The following MYO1F variants were observed in gnomAD, a reference collection of about 807,000 sequenced individuals.
The protein encoded by MYO1F is unconventional myosin-If.
MYO1F carries 60 observed loss-of-function variants against 146.6 expected under a neutral mutation model. The observed-to-expected ratio is 0.41, with a 90% CI of 0.33 to 0.51. The LOEUF is 0.51. Among genes scored for constraint, MYO1F ranks in the 20% least tolerant of loss-of-function variants. The pLI is 0.25. For synonymous variants in MYO1F, 602 were observed against 602.1 expected (o/e 1.00, Z 0.00); for missense variants, 1,274 against 1,534.3 (o/e 0.83, Z 2.83).
Position 8,521,517 on chromosome 19 carries a change from C to G in MYO1F, c.*11G>C, listed in dbSNP as rs752941186. On this transcript the variant is annotated 3_prime_UTR_variant, in exon 28 of 28. Coordinates refer to ENST00000644032, the MANE Select transcript of MYO1F (RefSeq NM_012335.4). ...GCGGGCGAAAGAGAAGGCAGTATCC[C>G]AGGGCCCAGCTCAGATCTTCTCCAC... 8.7e-6 allele frequency: 14 copies of G among 1,613,474 alleles called. No individual in the cohort carries two copies. Among genetic ancestry groups the G allele is most frequent in the Non-Finnish European group, 1.2e-5 (14 of 1,179,758 alleles).
chr19:8,526,619 A>G lies in MYO1F; in HGVS notation c.2622-18T>C. 2 of 1,581,938 alleles carry G rather than the reference A, an allele frequency of 1.3e-6. No individual in the cohort carries two copies. Among genetic ancestry groups the G allele is most frequent in the Non-Finnish European group, 1.7e-6 (2 of 1,165,784 alleles). Reference sequence around the variant, plus strand: ...ACTGTAGTCTATGGGGAGAGAAGAAAGCTTGGGGGCGCTGGCTGAGGTCCC... The same window carrying G: ...ACTGTAGTCTATGGGGAGAGAAGAAGGCTTGGGGGCGCTGGCTGAGGTCCC... On this transcript the variant is annotated intron_variant, in intron 23 of 27. Transcript: ENST00000644032.
At chr19:8,575,422 T>A (rs1311189933) in intron 1 of MYO1F, among the ~76,000 whole-genome samples, 1 of 151,852 alleles carries the variant, frequency 6.6e-6, no homozygotes, top group Non-Finnish European at 1.5e-5. Flanking sequence ...CCCTCGTGTG[T>A]GCAGTTCACA....
Position 8,530,009 on chromosome 19 carries a change from C to G in MYO1F, c.2328+187G>C, listed in dbSNP as rs3815907. ...AGGTGAGGGTATACCTGTGATGGAA[C>G]AGATGGATCTAGGCTGGGGGATCTA... On this transcript the variant is annotated intron_variant, in intron 21 of 27. Coordinates refer to ENST00000644032, the MANE Select transcript of MYO1F (RefSeq NM_012335.4). This position sits in a 1 kb window ranked among gnomAD's most constrained non-coding sequence, Gnocchi z 5.8. The G allele has an allele frequency of 1.3e-6, 1 of 764,046 alleles. No individual in the cohort carries two copies. The highest frequency in any genetic ancestry group is 3.5e-4 in the Middle Eastern group (1 of 2,822). 47.3% of individuals were successfully genotyped at this position (764,046 alleles called of 1,614,324 possible). A position where few individuals can be genotyped will look rare whatever the true frequency, so the allele number is the denominator to read the frequency against.
At chr19:8,529,874 G>T (rs1972409325) in intron 21 of MYO1F, 3 of 515,774 alleles carry the variant, frequency 5.8e-6, no homozygotes, top group Non-Finnish European at 1.1e-5. Flanking sequence ...CTAGGCTGGG[G>T]GATAGATACC....
At chr19:8,523,217 T>C (rs1972133110) in intron 25 of MYO1F, among the ~76,000 whole-genome samples, 1 of 152,058 alleles carries the variant, frequency 6.6e-6, no homozygotes, top group South Asian at 2.1e-4. Flanking sequence ...ATATTTTTAG[T>C]AGAGACGGAG....
chr19:8,571,890 C>T (rs939560252), intron 1 of MYO1F, among the ~76,000 whole-genome samples: 2 of 151,960 alleles, frequency 1.3e-5, no homozygotes, highest in African/African-American at 4.8e-5. Flanking sequence ...AGCCACCGCG[C>T]CCAGCCCCTG....
At chr19:8,551,954 C>G in intron 7 of MYO1F, 79 bp downstream of exon 7, 1 of 1,613,888 alleles carries the variant, frequency 6.2e-7, no homozygotes, top group Non-Finnish European at 8.5e-7. Flanking sequence ...TGCCATGCCC[C>G]CCTAGGTGTT....
chr19:8,534,530 C>T (rs774064750), intron 19 of MYO1F, among the ~76,000 whole-genome samples: 12 of 152,060 alleles, frequency 7.9e-5, no homozygotes, highest in Non-Finnish European at 1.5e-4. Context: ...TGGTCTCGAA[C>T]TCCTAACCTC....
In MYO1F at chr19:8,521,373, G is replaced by A; in HGVS notation, c.*155C>T. 1 of 762,868 alleles carries A rather than the reference G, an allele frequency of 1.3e-6. No homozygotes were observed. The allele number at this position is 762,868 out of a possible 1,614,324, so 47.3% of individuals were successfully genotyped here. On this transcript the variant is annotated 3_prime_UTR_variant, in exon 28 of 28. Coordinates refer to ENST00000644032, the MANE Select transcript of MYO1F (RefSeq NM_012335.4). ...GCGGGGGCTGCAGCAGTGACCTGGT[G>A]ACCCAGGGCCTGGGCAGGACTGGAG...
chr19:8,571,013 C>T lies in MYO1F; in HGVS notation c.3+6294G>A, dbSNP rs1445271290. Reference sequence around the variant, plus strand: ...AAATGCTAGCGTTCCTCACTGTCCCCATCAATGGTGGCCATGAGCTGGCCA... The same window carrying T: ...AAATGCTAGCGTTCCTCACTGTCCCTATCAATGGTGGCCATGAGCTGGCCA... On this transcript the variant is annotated intron_variant, in intron 1 of 27. Transcript: ENST00000644032. 2.0e-5 allele frequency among the ~76,000 whole-genome samples: 3 copies of T among 152,210 alleles called. No homozygotes were observed. The East Asian group carries it at 5.8e-4, about 29-fold the overall frequency.
chr19:8,536,632 G>C (rs772082774), intron 17 of MYO1F, 35 bp from the exon 18 acceptor site: 1 of 1,450,614 alleles, frequency 6.9e-7, no homozygotes, highest in Non-Finnish European at 9.5e-7. Flanking sequence ...CCCTCGGGGT[G>C]GGGAGTCACC....
At chr19:8,571,516 G>A (rs2042107712) in intron 1 of MYO1F, among the ~76,000 whole-genome samples, 1 of 151,948 alleles carries the variant, frequency 6.6e-6, no homozygotes, top group African/African-American at 2.4e-5. Flanking sequence ...CTGGGTTCAA[G>A]CGATTCTCCT....
In MYO1F at chr19:8,523,223, C is replaced by T. The variant is rs946993077; in HGVS notation, c.2855-394G>A. 2.4e-4 allele frequency among the ~76,000 whole-genome samples: 36 copies of T among 152,092 alleles called. No homozygotes were observed. The East Asian group carries it at 2.7e-3, about 11-fold the overall frequency. On this transcript the variant is annotated intron_variant, in intron 25 of 27. Transcript: ENST00000644032. ...ATTTTTTAAATATTTTTAGTAGAGA[C>T]GGAGTTTCATCATGTTAGCCAGGAT...
At chr19:8,533,974 C>T (rs1010953331) in intron 19 of MYO1F, among the ~76,000 whole-genome samples, 2 of 151,952 alleles carry the variant, frequency 1.3e-5, no homozygotes, top group Non-Finnish European at 2.9e-5. Flanking sequence ...CACTTGAGGT[C>T]AGGAGACCAG....
chr19:8,553,053 A>T, intron 6 of MYO1F, 86 bp downstream of exon 6: 7 of 1,278,930 alleles, frequency 5.5e-6, no homozygotes, highest in Non-Finnish European at 8.0e-6. Context: ...TGTCTTGGCA[A>T]TACGGGTGTG....
intron 21 of MYO1F, among the ~76,000 whole-genome samples, chr19:8,529,438 G>A (rs1322801832): frequency 6.6e-6 from 1 of 152,136 alleles, no homozygotes; most frequent in Non-Finnish European, 1.5e-5. Flanking sequence ...AAGAGGATGT[G>A]TCTGTTGGTG....
At chr19:8,558,601 T>C (rs1973951778) in intron 1 of MYO1F, among the ~76,000 whole-genome samples, 1 of 152,100 alleles carries the variant, frequency 6.6e-6, no homozygotes, top group Admixed American at 6.6e-5. Flanking sequence ...ACACCCTGGC[T>C]TTCTCAGGCT....
intron 1 of MYO1F, among the ~76,000 whole-genome samples, chr19:8,564,889 C>A (rs2041974839): frequency 6.6e-6 from 1 of 152,060 alleles, no homozygotes; most frequent in Non-Finnish European, 1.5e-5. Flanking sequence ...TCTCCTGCCT[C>A]AGCCTCCCAA....
At chr19:8,571,397 T>G (rs2042104533) in intron 1 of MYO1F, among the ~76,000 whole-genome samples, 1 of 151,366 alleles carries the variant, frequency 6.6e-6, no homozygotes, top group African/African-American at 2.4e-5. Flanking sequence ...TGGACTCTGT[T>G]TCTTTTCTTT....
Sources: gnomAD v4.1 joint callset for allele counts (sites outside exome capture counted in the v4.1 genomes callset) on GRCh38, gnomAD v4.1.1 for gene constraint, Gnocchi (gnomAD v3.1) non-coding constraint, MANE v1.5 for transcripts, NCBI Gene and HGNC (gene_info 2026-07-23, HGNC 2026-07-21) for gene names.